SLC38A11: variants seen among roughly 807,000 people sequenced by gnomAD.
SLC38A11 encodes solute carrier family 38 member 11.
SLC38A11 carries 51 observed loss-of-function variants against 49.4 expected under a neutral mutation model. That is an observed-to-expected ratio of 1.03 (90% CI 0.83 to 1.30). The LOEUF (loss-of-function observed/expected upper bound fraction) is 1.30, where lower values mean the gene tolerates loss of function less well. Among genes scored for constraint, SLC38A11 ranks in the 50% most tolerant of loss-of-function variants. The pLI is 0.00. For synonymous variants in SLC38A11, 203 were observed against 192.9 expected (o/e 1.05, Z -0.43); for missense variants, 574 against 556.2 (o/e 1.03, Z -0.32).
chr2:164,903,333 A>T (rs920070658), intron 11 of SLC38A11, among the ~76,000 whole-genome samples: 3 of 152,230 alleles, frequency 2.0e-5, no homozygotes, highest in Admixed American at 2.0e-4. Flanking sequence ...AGCTGTCATC[A>T]GTCAGCCTTT....
Position 164,897,745 on chromosome 2 carries a change from T to G in SLC38A11, c.*692A>C, listed in dbSNP as rs1173582071. On this transcript the variant is annotated 3_prime_UTR_variant, in exon 12 of 12. Coordinates refer to ENST00000685975, the MANE Select transcript of SLC38A11 (RefSeq NM_001351537.2). ...ACAGAACAACTGTTTTTTGTTTTTG[T>G]TTTTTTTGTTTGTTTGTTTGTTTTT... is the stretch of plus-strand genomic sequence containing the variant. 6.6e-6 allele frequency: 1 copy of G among 151,682 alleles called. No individual in the cohort carries two copies. The highest frequency in any genetic ancestry group is 1.5e-5 in the Non-Finnish European group (1 of 67,982). 9.4% of individuals were successfully genotyped at this position (151,682 alleles called of 1,614,324 possible).
chr2:164,946,011 T>C (rs1436956759), intron 3 of SLC38A11, among the ~76,000 whole-genome samples: 2 of 152,188 alleles, frequency 1.3e-5, no homozygotes, highest in African/African-American at 4.8e-5. Flanking sequence ...AAACTGCCAG[T>C]GTTCCATTTT....
At chr2:164,920,292 A>AG (rs1342965973) in intron 7 of SLC38A11, among the ~76,000 whole-genome samples, 3 of 151,938 alleles carry the variant, frequency 2.0e-5, no homozygotes, top group South Asian at 4.2e-4. Context: ...AAAAAAAAAA[A>AG]AAAGAAAGGA....
At chr2:164,906,168 C>A (rs1310174624) in intron 11 of SLC38A11, among the ~76,000 whole-genome samples, 3 of 152,060 alleles carry the variant, frequency 2.0e-5, no homozygotes. Context: ...TATATTTTGT[C>A]TTACAACAAA....
intron 5 of SLC38A11, among the ~76,000 whole-genome samples, chr2:164,941,670 C>A (rs1055844359): frequency 1.3e-5 from 2 of 151,924 alleles, no homozygotes; most frequent in South Asian, 2.1e-4. Flanking sequence ...TTCATACATT[C>A]TTTGTATAAT....
At chr2:164,939,939 T>TTA in intron 5 of SLC38A11, among the ~76,000 whole-genome samples, 1 of 150,844 alleles carries the variant, frequency 6.6e-6, no homozygotes. Flanking sequence ...AACTCTTTAA[T>TTA]GACAAAACCC....
At chr2:164,911,558 T>C (rs1275182408) in intron 10 of SLC38A11, 78 bp downstream of exon 10, 5 of 680,386 alleles carry the variant, frequency 7.3e-6, no homozygotes, top group Non-Finnish European at 1.2e-5. Flanking sequence ...TGCCAAACTG[T>C]ATTATTTATA....
At chr2:164,915,842 C>A in intron 8 of SLC38A11, 61 bp downstream of exon 8, 1 of 1,251,394 alleles carries the variant, frequency 8.0e-7, no homozygotes. Flanking sequence ...TGAAACACAG[C>A]ACTTTTTCAT....
chr2:164,939,996 T>G (rs1219371477), intron 5 of SLC38A11, among the ~76,000 whole-genome samples: 2 of 20,586 alleles, frequency 9.7e-5, no homozygotes, highest in African/African-American at 1.6e-4. Flanking sequence ...TTTCTAAGGT[T>G]TTTTTTTTTT....
intron 11 of SLC38A11, among the ~76,000 whole-genome samples, chr2:164,900,702 C>A (rs1189613234): frequency 2.0e-5 from 3 of 151,960 alleles, no homozygotes; most frequent in Admixed American, 6.6e-5. Flanking sequence ...TTTGTAGTGA[C>A]CCTTTATCAG....
chr2:164,904,131 C>T (rs1684837465), intron 11 of SLC38A11, among the ~76,000 whole-genome samples: 1 of 152,052 alleles, frequency 6.6e-6, no homozygotes, highest in Non-Finnish European at 1.5e-5. Context: ...TTCTTCCTTC[C>T]ACTGTAAACC....
chr2:164,939,611 C>T, intron 5 of SLC38A11, 55 bp from the exon 6 acceptor site: 7 of 1,143,984 alleles, frequency 6.1e-6, no homozygotes, highest in Non-Finnish European at 6.4e-6. Context: ...ACATTGGTGA[C>T]ACACTAAATA....
At chr2:164,930,819 G>C (rs887530231) in intron 7 of SLC38A11, among the ~76,000 whole-genome samples, 7 of 152,108 alleles carry the variant, frequency 4.6e-5, no homozygotes, top group Admixed American at 1.3e-4. Context: ...GGCAAAGGCT[G>C]AAAGCATTCC....
At chr2:164,917,921 T>C (rs1175887220) in intron 7 of SLC38A11, among the ~76,000 whole-genome samples, 2 of 152,126 alleles carry the variant, frequency 1.3e-5, no homozygotes, top group Non-Finnish European at 2.9e-5. Context: ...ATCATAATGA[T>C]GATGATTTTA....
At chr2:164,953,865 T>TA (rs780256027) in intron 2 of SLC38A11, among the ~76,000 whole-genome samples, 24 of 152,266 alleles carry the variant, frequency 1.6e-4, no homozygotes, top group Non-Finnish European at 2.6e-4. Context: ...TTTTCTGAGA[T>TA]AGAGTGTTTT....
chr2:164,926,635 T>C (rs942641428), intron 7 of SLC38A11, among the ~76,000 whole-genome samples: 2 of 151,950 alleles, frequency 1.3e-5, no homozygotes, highest in Non-Finnish European at 2.9e-5. Context: ...AATGATAGAC[T>C]GGATTAAGAA....
chr2:164,952,362 C>T (rs1320604821), intron 3 of SLC38A11, among the ~76,000 whole-genome samples: 1 of 152,146 alleles, frequency 6.6e-6, no homozygotes, highest in East Asian at 1.9e-4. Context: ...CACCTGCCCA[C>T]GAAGCCCTGC....
intron 7 of SLC38A11, among the ~76,000 whole-genome samples, chr2:164,931,908 C>G (rs1228723923): frequency 6.6e-6 from 1 of 152,014 alleles, no homozygotes; most frequent in African/African-American, 2.4e-5. Flanking sequence ...GCAACAAAAG[C>G]AAAAATTGAC....
intron 5 of SLC38A11, among the ~76,000 whole-genome samples, chr2:164,943,618 A>C (rs1352068448): frequency 6.6e-6 from 1 of 152,136 alleles, no homozygotes; most frequent in East Asian, 1.9e-4. Flanking sequence ...CTACAAAGGG[A>C]AATGGGGAAA....
Sources: allele counts gnomAD v4.1 joint callset (sites outside exome capture counted in the v4.1 genomes callset), GRCh38; gene constraint gnomAD v4.1.1; transcripts MANE v1.5; gene names NCBI Gene and HGNC (gene_info 2026-07-23, HGNC 2026-07-21).